Variants in SNX4 observed in about 807,000 individuals in gnomAD.
SNX4 encodes sorting nexin 4.
A neutral mutation model predicts 70.8 loss-of-function variants in SNX4; 49 were observed. The ratio of observed to expected loss-of-function variants is 0.69; its 90% CI spans 0.55 to 0.88. The LOEUF (loss-of-function observed/expected upper bound fraction) is 0.88. Among genes scored for constraint, SNX4 ranks in the 40% least tolerant of loss-of-function variants. SNX4 has a pLI of 0.00. For missense variants in SNX4, 528 were observed against 544.8 expected, an observed-to-expected ratio of 0.97 and a Z score of 0.31; for synonymous variants, 206 against 183.8, an observed-to-expected ratio of 1.12 and a Z score of -0.98.
chr3:125,470,478 C>G (rs1934137398), intron 8 of SNX4, among the ~76,000 whole-genome samples: 1 of 149,874 alleles, frequency 6.7e-6, no homozygotes, highest in Admixed American at 6.6e-5. Context: ...TGTATCTTTT[C>G]CCTAAAAAGT....
chr3:125,471,344 CAAAA>C (rs767432586), intron 8 of SNX4, among the ~76,000 whole-genome samples: 62 of 28,146 alleles, frequency 2.2e-3, no homozygotes, highest in African/African-American at 0.01. Context: ...AGCTCCATCT[CAAAA>C]AAAAAAAAAA....
intron 1 of SNX4, among the ~76,000 whole-genome samples, chr3:125,512,064 T>G (rs1935184698): frequency 1.3e-5 from 2 of 152,148 alleles, no homozygotes. Flanking sequence ...TTTTATAAAA[T>G]ATAAGTTTTT....
At position 125,470,324 on chromosome 3, in the gene SNX4, C is replaced by T. The variant is rs74819405; in HGVS notation, c.789-805G>A. On this transcript the variant is annotated intron_variant, in intron 8 of 13. Coordinates refer to ENST00000251775, the MANE Select transcript of SNX4 (RefSeq NM_003794.4). Reference sequence around the variant, plus strand: ...TTCTAAATGTCATTTTAAATGGCAACTCACAATCTTTTTAACCAGTTTCCT... The same window carrying T: ...TTCTAAATGTCATTTTAAATGGCAATTCACAATCTTTTTAACCAGTTTCCT... 9.2e-3 allele frequency among the ~76,000 whole-genome samples: 1,395 copies of T among 152,040 alleles called. 48 individuals carry two copies. Among genetic ancestry groups the T allele is most frequent in the East Asian group, 0.088 (453 of 5,174 alleles).
intron 1 of SNX4, among the ~76,000 whole-genome samples, chr3:125,508,288 C>G (rs928287245): frequency 6.6e-6 from 1 of 152,148 alleles, no homozygotes; most frequent in African/African-American, 2.4e-5. Context: ...AAGCATAAGG[C>G]CAGGTGCGGT....
chr3:125,490,468 G>A (rs1226547764), intron 5 of SNX4, among the ~76,000 whole-genome samples: 1 of 145,410 alleles, frequency 6.9e-6, no homozygotes, highest in African/African-American at 2.6e-5. Flanking sequence ...AGCTTGCAGT[G>A]AGCCGAGATC....
At chr3:125,502,381 TTTTC>T in intron 2 of SNX4, among the ~76,000 whole-genome samples, 1 of 151,994 alleles carries the variant, frequency 6.6e-6, no homozygotes, top group Non-Finnish European at 1.5e-5. Context: ...TTTTCTCTCT[TTTTC>T]TTTCTTTCTG....
intron 1 of SNX4, among the ~76,000 whole-genome samples, chr3:125,515,878 C>T (rs1260163327): frequency 6.6e-6 from 1 of 152,084 alleles, no homozygotes; most frequent in Non-Finnish European, 1.5e-5. Flanking sequence ...GAGACCTCTT[C>T]TCAATCAATA....
At chr3:125,478,135 A>G (rs906838217) in intron 7 of SNX4, among the ~76,000 whole-genome samples, 16 of 151,858 alleles carry the variant, frequency 1.1e-4, no homozygotes, top group African/African-American at 3.6e-4. Context: ...GCTAAAGTAC[A>G]GTGGCACGAT....
chr3:125,460,883 C>A, intron 9 of SNX4, 23 bp from the exon 10 acceptor site: 2 of 1,029,630 alleles, frequency 1.9e-6, no homozygotes, highest in Non-Finnish European at 1.4e-6. Flanking sequence ...AAAAAACACA[C>A]ATTGCATAGA....
rs200875272 is a variant in SNX4 at position 125,453,823 on chromosome 3, T to G, written c.1177A>C (p.Asn393His). ...CAGCATCTTTACCTGCCTTCCAGAT[T>G]TTTAGACTTTAGCTGTTGTTCTCCT... ...NEGEQQLKSK[N>H]LEGREFVKNA... Residue 393 changes from asparagine (N) to histidine (H), a missense_variant, in exon 12 of 14, where the codon AAT (asparagine) becomes CAT (histidine). Asn to His is a moderately conservative substitution (Grantham distance 68). Transcript: ENST00000251775. The G allele has an allele frequency of 1.9e-6, 3 of 1,613,996 alleles. No homozygotes were observed.
intron 1 of SNX4, 57 bp downstream of exon 1, chr3:125,519,975 C>CCCAGCCCAGCCCAGCCCAGCCCAGA: frequency 6.9e-7 from 1 of 1,456,474 alleles, no homozygotes. Flanking sequence ...CCCAGCCCAG[C>CCCAGCCCAGCCCAGCCCAGCCCAGA]CCGGCCCGCT....
chr3:125,484,024 C>T (rs1297239793), intron 6 of SNX4, among the ~76,000 whole-genome samples: 1 of 152,110 alleles, frequency 6.6e-6, no homozygotes, highest in Non-Finnish European at 1.5e-5. Context: ...AAAAAGAGGA[C>T]AGTCCATACT....
At position 125,471,344 on chromosome 3, in the gene SNX4, C is replaced by CAAA. The variant is rs767432586; in HGVS notation, c.789-1828_789-1826dup. Among the ~76,000 whole-genome samples, 61 of 28,152 alleles carry CAAA rather than the reference C, an allele frequency of 2.2e-3. 4 individuals are homozygous for CAAA. The highest frequency in any genetic ancestry group is 2.6e-3 in the Non-Finnish European group (45 of 17,120). The allele number at this position is 28,152 out of a possible 152,430, so 18.5% of individuals were successfully genotyped here. The stretch of plus-strand genomic sequence containing the variant: ...GGGCAACAAGAGCAAAGCTCCATCT[C>CAAA]AAAAAAAAAAAAAAAAAAAAAAAAA... On this transcript the variant is annotated intron_variant, in intron 8 of 13. Transcript: ENST00000251775.
In SNX4 at chr3:125,462,527, G is replaced by T. The variant is rs554481620; in HGVS notation, c.855-1667C>A. On this transcript the variant is annotated intron_variant, in intron 9 of 13. Transcript: ENST00000251775. The stretch of plus-strand genomic sequence containing the variant: ...AATGCCTGAGCCCAGGAGGTCCAAG[G>T]CTGCAGTGAGCTGTGAATGTGCCAT... Among the ~76,000 whole-genome samples, 20 of 146,584 alleles carry T rather than the reference G, an allele frequency of 1.4e-4. No individual in the cohort carries two copies. In the East Asian group the frequency reaches 4.0e-3, roughly 30 times the overall value.
chr3:125,473,741 T>G (rs919414707), intron 8 of SNX4, among the ~76,000 whole-genome samples: 2 of 152,134 alleles, frequency 1.3e-5, no homozygotes, highest in African/African-American at 4.8e-5. Flanking sequence ...ACAGTATAAC[T>G]CCAAGCATTA....
intron 13 of SNX4, 37 bp downstream of exon 13, chr3:125,451,268 T>C (rs779923913): frequency 9.1e-6 from 13 of 1,422,230 alleles, no homozygotes; most frequent in Non-Finnish European, 1.2e-5. Flanking sequence ...CACTTCTGAA[T>C]ATACATATAT....
chr3:125,504,759 A>T lies in SNX4; in HGVS notation c.142-15T>A. On this transcript the variant is annotated splice_polypyrimidine_tract_variant and intron_variant, in intron 1 of 13. Coordinates refer to ENST00000251775, the MANE Select transcript of SNX4 (RefSeq NM_003794.4). Reference sequence around the variant, plus strand: ...TTGTGTGTCATCTGGACAAAAGTAAATAAAACAACAACAACAACAAAAACC... The same window carrying T: ...TTGTGTGTCATCTGGACAAAAGTAATTAAAACAACAACAACAACAAAAACC... The T allele has an allele frequency of 6.2e-7, 1 of 1,610,092 alleles. No individual in the cohort carries two copies. Among genetic ancestry groups the T allele is most frequent in the African/African-American group, 1.3e-5 (1 of 74,856 alleles).
At position 125,480,229 on chromosome 3, in the gene SNX4, CT is replaced by C; in HGVS notation, c.726+17del. On this transcript the variant is annotated intron_variant, in intron 7 of 13. Transcript: ENST00000251775. ...TTCCTTATGCATGTGCATCAAAAAG[CT>C]TTTGGGGACCACTTACAGCTCTGAC... is the stretch of plus-strand genomic sequence containing the variant. 3 of 1,505,958 alleles carry C rather than the reference CT, an allele frequency of 2.0e-6. No homozygotes were observed. The highest frequency in any genetic ancestry group is 2.7e-6 in the Non-Finnish European group (3 of 1,119,468). The allele number at this position is 1,505,958 out of a possible 1,614,324, so 93.3% of individuals were successfully genotyped here. A position where few individuals can be genotyped will look rare whatever the true frequency, so the allele number is the denominator to read the frequency against.
chr3:125,481,782 G>A (rs1579991782), intron 6 of SNX4, among the ~76,000 whole-genome samples: 1 of 152,196 alleles, frequency 6.6e-6, no homozygotes, highest in East Asian at 1.9e-4. Context: ...TCAGAGGGAT[G>A]TGAATACATC....
Sources: gnomAD v4.1 joint callset for allele counts (sites outside exome capture counted in the v4.1 genomes callset) on GRCh38, gnomAD v4.1.1 for gene constraint, MANE v1.5 for transcripts, NCBI Gene and HGNC (gene_info 2026-07-23, HGNC 2026-07-21) for gene names.